XXYLT1: variants seen among roughly 807,000 people sequenced by gnomAD.
XXYLT1 encodes xyloside xylosyltransferase 1.
In XXYLT1, 20 loss-of-function variants were observed where a neutral mutation model predicts 28.9. The observed-to-expected ratio is 0.69, with a 90% CI of 0.49 to 1.00. The LOEUF is 1.00. Ranked by LOEUF, XXYLT1 falls within the 50% of genes least tolerant of loss-of-function variation. The probability of loss-of-function intolerance (pLI) is 0.00; values close to 1 mark genes in which losing one functional copy is unlikely to be tolerated. For synonymous variants in XXYLT1, 257 were observed against 253.8 expected, an observed-to-expected ratio of 1.01 and a Z score of -0.12; for missense variants, 542 against 560.1, an observed-to-expected ratio of 0.97 and a Z score of 0.33.
chr3:195,193,158 T>C (rs61317745), intron 2 of XXYLT1, among the ~76,000 whole-genome samples: 7,750 of 151,560 alleles, frequency 0.051, 615 homozygotes, highest in African/African-American at 0.18. Flanking sequence ...AGTGGTGGTG[T>C]GCGCCTGTAA....
Position 195,093,440 on chromosome 3 carries a change from A to G in XXYLT1, c.786-23329T>C, listed in dbSNP as rs1254286416. On this transcript the variant is annotated intron_variant, in intron 3 of 3. Transcript: ENST00000310380. ...TAAACTATCGCAAGTACAAAAAACC[A>G]AACACCGCATATTCTCACTCATAGG... is the stretch of plus-strand genomic sequence containing the variant. 1.7e-4 allele frequency among the ~76,000 whole-genome samples: 23 copies of G among 133,628 alleles called. 1 individual carries two copies. The highest frequency in any genetic ancestry group is 1.4e-3 in the Admixed American group (19 of 13,570). The allele number at this position is 133,628 out of a possible 152,430, so 87.7% of individuals were successfully genotyped here.
At chr3:195,097,998 C>T (rs1056491439) in intron 3 of XXYLT1, among the ~76,000 whole-genome samples, 7 of 142,696 alleles carry the variant, frequency 4.9e-5, no homozygotes, top group Middle Eastern at 3.5e-3. Context: ...TGGGGCGGGT[C>T]GGGAGGGGAA....
At chr3:195,081,414 CAAT>C (rs1262994281) in intron 3 of XXYLT1, among the ~76,000 whole-genome samples, 1 of 152,110 alleles carries the variant, frequency 6.6e-6, no homozygotes, top group Non-Finnish European at 1.5e-5. Context: ...GGAAGCAGCA[CAAT>C]AATGCTTACA....
rs903847931 is a variant in XXYLT1 at position 195,076,328 on chromosome 3, G to C, written c.786-6217C>G. 2.6e-5 allele frequency among the ~76,000 whole-genome samples: 4 copies of C among 152,134 alleles called. No homozygotes were observed. Among genetic ancestry groups the C allele is most frequent in the African/African-American group, 7.2e-5 (3 of 41,426 alleles). ...TCCAGAGAGGAAGAAGCCCGCACGG[G>C]GTCACGGGGCCGACTGCGGCACAGA... On this transcript the variant is annotated intron_variant, in intron 3 of 3. Coordinates refer to ENST00000310380, the MANE Select transcript of XXYLT1 (RefSeq NM_152531.5). The surrounding 1 kb of genome is among the most constrained non-coding windows in gnomAD (Gnocchi z 5.3).
chr3:195,199,333 C>T (rs528977020), intron 2 of XXYLT1, among the ~76,000 whole-genome samples: 1 of 152,118 alleles, frequency 6.6e-6, no homozygotes, highest in Non-Finnish European at 1.5e-5. Flanking sequence ...CTTTTTGGGC[C>T]GGGCGCGGTG....
intron 3 of XXYLT1, among the ~76,000 whole-genome samples, chr3:195,110,264 G>GGTGTATGCGTGTGTGTGGGGGTGAGGT (rs1717491370): frequency 4.5e-4 from 1 of 2,232 alleles, no homozygotes; most frequent in Non-Finnish European, 1.1e-3. Flanking sequence ...AGTGTGTGTG[G>GGTGTATGCGTGTGTGTGGGGGTGAGGT]GTGTGTGGTG....
intron 2 of XXYLT1, among the ~76,000 whole-genome samples, chr3:195,225,722 T>TGTG (rs1724018109): frequency 6.8e-6 from 1 of 147,644 alleles, no homozygotes; most frequent in South Asian, 2.3e-4. Flanking sequence ...AATCCCCACA[T>TGTG]GTGGTGGGGG....
chr3:195,212,309 G>A (rs78827724), intron 2 of XXYLT1, among the ~76,000 whole-genome samples: 10 of 152,200 alleles, frequency 6.6e-5, no homozygotes, highest in African/African-American at 2.2e-4. Flanking sequence ...GATGGGATGC[G>A]AGGATCTGCC....
chr3:195,229,487 C>T (rs58113840), intron 1 of XXYLT1, among the ~76,000 whole-genome samples: 20,994 of 152,138 alleles, frequency 0.14, 3,141 homozygotes, highest in African/African-American at 0.37. Context: ...TCTTACTCAC[C>T]CTTTGCCAAT....
rs1454230038 is a variant in XXYLT1, at chr3:195,115,214, TCA to T, written c.785+41233_785+41234del. On this transcript the variant is annotated intron_variant, in intron 3 of 3. Transcript: ENST00000310380. This position sits in a 1 kb window ranked among gnomAD's most constrained non-coding sequence, Gnocchi z 4.2. ...CCGGTGAGAATGTGGCTTCTGGCTGTCACTGCTGGTTAGACGGTCCCAGTCAC... is the reference window on the plus strand; with the variant it reads ...CCGGTGAGAATGTGGCTTCTGGCTGTCTGCTGGTTAGACGGTCCCAGTCAC... Among the ~76,000 whole-genome samples, 1 of 152,214 alleles carries T rather than the reference TCA, an allele frequency of 6.6e-6. No individual in the cohort carries two copies. Among genetic ancestry groups the T allele is most frequent in the African/African-American group, 2.4e-5 (1 of 41,456 alleles).
At chr3:195,172,705 G>C (rs1194001096) in intron 2 of XXYLT1, among the ~76,000 whole-genome samples, 7 of 152,174 alleles carry the variant, frequency 4.6e-5, no homozygotes, top group Non-Finnish European at 1.0e-4. Context: ...TAGGGTGATG[G>C]GGGAGAATGT....
At chr3:195,089,401 G>A (rs551634486) in intron 3 of XXYLT1, among the ~76,000 whole-genome samples, 6 of 151,866 alleles carry the variant, frequency 4.0e-5, no homozygotes, top group African/African-American at 9.7e-5. Context: ...GATTTTCAAC[G>A]CAGAATTTCA....
At position 195,176,327 on chromosome 3, in the gene XXYLT1, C is replaced by T. The variant is rs775674299; in HGVS notation, c.653-19746G>A. 2.0e-5 allele frequency among the ~76,000 whole-genome samples: 3 copies of T among 152,188 alleles called. No individual in the cohort carries two copies. The highest frequency in any genetic ancestry group is 1.9e-4 in the East Asian group (1 of 5,204). On this transcript the variant is annotated intron_variant, in intron 2 of 3. Coordinates refer to ENST00000310380, the MANE Select transcript of XXYLT1 (RefSeq NM_152531.5). This position sits in a 1 kb window ranked among gnomAD's most constrained non-coding sequence, Gnocchi z 4.9. The stretch of plus-strand genomic sequence containing the variant: ...ATGACCTGAAAGGGAGAAGAGGTGA[C>T]GTTCCCCTGCCCTGGCATGCATATT...
In XXYLT1 at chr3:195,077,866, C is replaced by T. The variant is rs1576998455; in HGVS notation, c.786-7755G>A. On this transcript the variant is annotated intron_variant, in intron 3 of 3. Coordinates refer to ENST00000310380, the MANE Select transcript of XXYLT1 (RefSeq NM_152531.5). The surrounding 1 kb of genome is among the most constrained non-coding windows in gnomAD (Gnocchi z 4.8). ...TTCTCGAAGGCTTCTCCTGGCCCTC[C>T]GCTCCCCGTGCCCAGCCTGCCTGGG... 6.6e-6 allele frequency among the ~76,000 whole-genome samples: 1 copy of T among 152,120 alleles called. No homozygotes were observed. The highest frequency in any genetic ancestry group is 1.5e-5 in the Non-Finnish European group (1 of 68,004).
rs10642594 is a variant in XXYLT1 at position 195,176,961 on chromosome 3, T to TC, written c.653-20381dup. On this transcript the variant is annotated intron_variant, in intron 2 of 3. Transcript: ENST00000310380. The surrounding 1 kb of genome is among the most constrained non-coding windows in gnomAD (Gnocchi z 4.9). The stretch of plus-strand genomic sequence containing the variant: ...CCCCGGCCTGCTGCCGCTGCTGACG[T>TC]CCCCCCGCCACAGCAGGTCGGGGAC... Among the ~76,000 whole-genome samples the TC allele has an allele frequency of 6.6e-6, 1 of 151,670 alleles. No individual in the cohort carries two copies. Among genetic ancestry groups the TC allele is most frequent in the Non-Finnish European group, 1.5e-5 (1 of 67,822 alleles).
At chr3:195,184,216 A>T (rs191056357) in intron 2 of XXYLT1, among the ~76,000 whole-genome samples, 2 of 152,332 alleles carry the variant, frequency 1.3e-5, no homozygotes, top group Admixed American at 6.5e-5. Flanking sequence ...ATTAAGAGTG[A>T]GTTAATTCAG....
At chr3:195,254,818 G>A (rs1448179905) in intron 1 of XXYLT1, among the ~76,000 whole-genome samples, 4 of 152,182 alleles carry the variant, frequency 2.6e-5, no homozygotes, top group Non-Finnish European at 5.9e-5. Context: ...GTCACTTAAC[G>A]TCGCCCTCAC....
chr3:195,155,953 T>G (rs991921395), intron 3 of XXYLT1, among the ~76,000 whole-genome samples: 1 of 152,238 alleles, frequency 6.6e-6, no homozygotes, highest in African/African-American at 2.4e-5. Context: ...GACACAGGCT[T>G]GACAATCAAA....
At chr3:195,090,272 TG>T (rs1560089064) in intron 3 of XXYLT1, among the ~76,000 whole-genome samples, 2 of 151,726 alleles carry the variant, frequency 1.3e-5, no homozygotes, top group African/African-American at 4.9e-5. Context: ...ACCACATACT[TG>T]GAAGTAAAGC....
Sources: allele counts gnomAD v4.1 joint callset (sites outside exome capture counted in the v4.1 genomes callset), GRCh38; gene constraint gnomAD v4.1.1; non-coding constraint Gnocchi (gnomAD v3.1); transcripts MANE v1.5; gene names NCBI Gene and HGNC (gene_info 2026-07-23, HGNC 2026-07-21).